Variants in DNAJC11 observed in about 807,000 individuals in gnomAD.
The protein encoded by DNAJC11 is DnaJ heat shock protein family (Hsp40) member C11, also known as dnaJ homolog subfamily C member 11.
DNAJC11 carries 15 observed loss-of-function variants against 78.6 expected under a neutral mutation model. The ratio of observed to expected loss-of-function variants is 0.19; its 90% confidence interval spans 0.13 to 0.29. DNAJC11 has a LOEUF of 0.29. Among genes scored for constraint, DNAJC11 ranks in the 10% least tolerant of loss-of-function variants. DNAJC11 has a pLI of 1.00. For synonymous variants in DNAJC11, 292 were observed against 272.1 expected, an observed-to-expected ratio of 1.07 and a Z score of -0.72; for missense variants, 547 against 709.6, an observed-to-expected ratio of 0.77 and a Z score of 2.60.
At chr1:6,652,980 G>C in intron 5 of DNAJC11, 29 bp from the exon 6 acceptor site, 1 of 1,613,442 alleles carries the variant, frequency 6.2e-7, no homozygotes, top group Admixed American at 1.7e-5. Context: ...GGTAATGAAT[G>C]AATCAAAACA....
chr1:6,652,065 G>A (rs1243901228), intron 6 of DNAJC11, among the ~76,000 whole-genome samples: 1 of 152,186 alleles, frequency 6.6e-6, no homozygotes. Flanking sequence ...GGAGCCTGAT[G>A]TTAAAGCCCA....
At chr1:6,668,407 G>C (rs1642325065) in intron 3 of DNAJC11, among the ~76,000 whole-genome samples, 1 of 152,154 alleles carries the variant, frequency 6.6e-6, no homozygotes, top group Admixed American at 6.5e-5. Context: ...CGGAAGTGCT[G>C]GGATTACAGG....
Position 6,653,145 on chromosome 1 carries a change from C to T in DNAJC11, c.508-194G>A, listed in dbSNP as rs770286013. ...TTGTTATTTGGTCTGCATGTGACCA[C>T]GAGGGTAATATGCTTTGCAAAAGCT... On this transcript the variant is annotated intron_variant, in intron 5 of 15. Transcript: ENST00000377577. The surrounding 1 kb of genome is among the most constrained non-coding windows in gnomAD (Gnocchi z 4.5). 3.3e-5 allele frequency among the ~76,000 whole-genome samples: 5 copies of T among 152,136 alleles called. No individual in the cohort carries two copies. The highest frequency in any genetic ancestry group is 1.9e-4 in the East Asian group (1 of 5,204).
At chr1:6,677,044 A>G (rs1464197099) in intron 3 of DNAJC11, among the ~76,000 whole-genome samples, 1 of 151,198 alleles carries the variant, frequency 6.6e-6, no homozygotes, top group African/African-American at 2.4e-5. Context: ...GTAGTGGCGC[A>G]TGCCTTGTAA....
intron 15 of DNAJC11, 143 bp downstream of exon 15, chr1:6,635,974 C>G: frequency 1.6e-6 from 2 of 1,266,376 alleles, no homozygotes; most frequent in Non-Finnish European, 2.1e-6. Flanking sequence ...CTGAGTGAAT[C>G]ATGGGTCAAG....
rs1641750250 is a variant in DNAJC11 at position 6,635,626 on chromosome 1, C to T, written c.*49G>A. 2 of 1,607,150 alleles carry T rather than the reference C, an allele frequency of 1.2e-6. No individual in the cohort carries two copies. Among genetic ancestry groups the T allele is most frequent in the Non-Finnish European group, 1.7e-6 (2 of 1,175,028 alleles). ...TTTTTCATTTCCAAATTTGTAGACTCCCAGGAAAAGATTTTTTGCGGCCTT... is the reference window on the plus strand; with the variant it reads ...TTTTTCATTTCCAAATTTGTAGACTTCCAGGAAAAGATTTTTTGCGGCCTT... On this transcript the variant is annotated 3_prime_UTR_variant, in exon 16 of 16. Coordinates refer to ENST00000377577, the MANE Select transcript of DNAJC11 (RefSeq NM_018198.4).
At chr1:6,669,794 A>G (rs972420786) in intron 3 of DNAJC11, among the ~76,000 whole-genome samples, 2 of 152,112 alleles carry the variant, frequency 1.3e-5, no homozygotes, top group African/African-American at 4.8e-5. Context: ...TATCACGACC[A>G]AAGTTATCAG....
intron 3 of DNAJC11, among the ~76,000 whole-genome samples, chr1:6,671,704 T>C (rs2148743422): frequency 6.6e-6 from 1 of 150,544 alleles, no homozygotes; most frequent in African/African-American, 2.5e-5. Flanking sequence ...GCTAATTTTT[T>C]TGTATTTTTA....
At chr1:6,692,913 T>C (rs1642769579) in intron 1 of DNAJC11, among the ~76,000 whole-genome samples, 1 of 145,380 alleles carries the variant, frequency 6.9e-6, no homozygotes, top group African/African-American at 2.6e-5. Context: ...GCCCAGCCTC[T>C]TTTTTTTTCT....
intron 3 of DNAJC11, among the ~76,000 whole-genome samples, chr1:6,676,432 C>A (rs775647935): frequency 6.6e-6 from 1 of 152,158 alleles, no homozygotes; most frequent in Non-Finnish European, 1.5e-5. Context: ...GTAATCCCGG[C>A]GCTTTGGGAG....
chr1:6,647,646 C>T (rs946962697), intron 7 of DNAJC11, among the ~76,000 whole-genome samples: 4 of 151,932 alleles, frequency 2.6e-5, no homozygotes, highest in Non-Finnish European at 4.4e-5. Flanking sequence ...GGTGAAACCC[C>T]GTCTCTAGTA....
intron 10 of DNAJC11, among the ~76,000 whole-genome samples, chr1:6,644,030 CT>C (rs1402948643): frequency 1.3e-5 from 2 of 152,094 alleles, no homozygotes; most frequent in African/African-American, 2.4e-5. Context: ...GCCACCACCC[CT>C]GGCTAATTTT....
chr1:6,660,131 C>A (rs1642186748), intron 4 of DNAJC11, among the ~76,000 whole-genome samples: 1 of 150,542 alleles, frequency 6.6e-6, no homozygotes. Context: ...ATGTACCCCC[C>A]ACATCATTTC....
At chr1:6,636,268 T>C (rs1641766129) in intron 14 of DNAJC11, 22 bp from the exon 15 acceptor site, 12 of 1,613,038 alleles carry the variant, frequency 7.4e-6, no homozygotes, top group Non-Finnish European at 1.0e-5. Flanking sequence ...AAATTGCTAC[T>C]CTCAATACTC....
At chr1:6,692,790 T>C (rs1260965414) in intron 1 of DNAJC11, among the ~76,000 whole-genome samples, 1 of 152,070 alleles carries the variant, frequency 6.6e-6, no homozygotes, top group African/African-American at 2.4e-5. Flanking sequence ...TTTGTATTTT[T>C]AGTAGAGATG....
intron 14 of DNAJC11, among the ~76,000 whole-genome samples, chr1:6,636,926 G>A (rs1458391098): frequency 6.6e-6 from 1 of 152,194 alleles, no homozygotes; most frequent in Admixed American, 6.5e-5. Flanking sequence ...ACAGCTCACT[G>A]TAGCCTCAAC....
chr1:6,667,316 G>A (rs1642308285), intron 4 of DNAJC11, among the ~76,000 whole-genome samples: 1 of 152,040 alleles, frequency 6.6e-6, no homozygotes, highest in Admixed American at 6.6e-5. Context: ...TGCTTAGGTG[G>A]TTAGGTGGCT....
At chr1:6,701,692 G>C in intron 1 of DNAJC11, 37 bp downstream of exon 1, 1 of 1,505,300 alleles carries the variant, frequency 6.6e-7, no homozygotes, top group South Asian at 1.3e-5. Context: ...GACCGGGCTC[G>C]GCCTCAGCCC....
At chr1:6,698,117 C>T (rs1245950169) in intron 1 of DNAJC11, among the ~76,000 whole-genome samples, 1 of 152,162 alleles carries the variant, frequency 6.6e-6, no homozygotes, top group Non-Finnish European at 1.5e-5. Flanking sequence ...GTAGGATTCC[C>T]TGGTTTTGTC....
Sources: gnomAD v4.1 joint callset for allele counts (sites outside exome capture counted in the v4.1 genomes callset) on GRCh38, gnomAD v4.1.1 for gene constraint, Gnocchi (gnomAD v3.1) non-coding constraint, MANE v1.5 for transcripts, NCBI Gene and HGNC (gene_info 2026-07-23, HGNC 2026-07-21) for gene names.